RNGTT: variants seen among roughly 807,000 people sequenced by gnomAD.
RNGTT encodes mRNA-capping enzyme.
Under a neutral mutation model 79.3 loss-of-function variants are expected in RNGTT, and 33 were observed. That is an observed-to-expected ratio of 0.42 (90% CI 0.32 to 0.56). RNGTT has a LOEUF of 0.56. Among genes scored for constraint, RNGTT ranks in the 20% least tolerant of loss-of-function variants. The probability of loss-of-function intolerance (pLI) is 0.17; values close to 1 mark genes in which losing one functional copy is unlikely to be tolerated. For missense variants in RNGTT, 497 were observed against 739.1 expected, an observed-to-expected ratio of 0.67 and a Z score of 3.80; for synonymous variants, 222 against 235.9, an observed-to-expected ratio of 0.94 and a Z score of 0.54.
intron 13 of RNGTT, among the ~76,000 whole-genome samples, chr6:88,686,045 A>T (rs1193561015): frequency 2.0e-5 from 3 of 151,024 alleles, no homozygotes. Flanking sequence ...CCCAAAATGC[A>T]GAAAAATTAT....
chr6:88,791,520 C>G (rs575853419), intron 12 of RNGTT, among the ~76,000 whole-genome samples: 1 of 152,002 alleles, frequency 6.6e-6, no homozygotes, highest in African/African-American at 2.4e-5. Context: ...AGTACCATCA[C>G]GTTTTCTAAA....
At position 88,677,077 on chromosome 6, in the gene RNGTT, C is replaced by T. The variant is rs145444862; in HGVS notation, c.1506+1276G>A. 2.1e-3 allele frequency among the ~76,000 whole-genome samples: 315 copies of T among 152,280 alleles called. 1 individual carries two copies. The highest frequency in any genetic ancestry group is 6.5e-3 in the African/African-American group (272 of 41,560). ...TGGCAAAAAAACACAATTACTTTTACACCAACCTGATACTTGGCAACAAAA... is the reference window on the plus strand; with the variant it reads ...TGGCAAAAAAACACAATTACTTTTATACCAACCTGATACTTGGCAACAAAA... On this transcript the variant is annotated intron_variant, in intron 14 of 15. Coordinates refer to ENST00000369485, the MANE Select transcript of RNGTT (RefSeq NM_003800.5).
rs151211332 is a variant in RNGTT, at chr6:88,823,164, C to T, written c.1269+21193G>A. On this transcript the variant is annotated intron_variant, in intron 11 of 15. Transcript: ENST00000369485. ...AAAATTGGCTGGGCATGGTGCCTCA[C>T]GCCTGTAATCCCAGCACTTTGGGAG... is the stretch of plus-strand genomic sequence containing the variant. Among the ~76,000 whole-genome samples, 266 of 152,266 alleles carry T rather than the reference C, an allele frequency of 1.7e-3. 1 individual carries two copies. The highest frequency in any genetic ancestry group is 6.2e-3 in the African/African-American group (258 of 41,556).
intron 13 of RNGTT, among the ~76,000 whole-genome samples, chr6:88,743,773 A>T (rs1251938809): frequency 6.6e-6 from 1 of 152,240 alleles, no homozygotes; most frequent in Non-Finnish European, 1.5e-5. Flanking sequence ...GCTGCTATAA[A>T]CATGAGGGTA....
At chr6:88,642,606 T>C (rs1773366075) in intron 14 of RNGTT, among the ~76,000 whole-genome samples, 1 of 152,112 alleles carries the variant, frequency 6.6e-6, no homozygotes, top group Non-Finnish European at 1.5e-5. Flanking sequence ...AACAGTGTCA[T>C]AAGAACAAAA....
intron 11 of RNGTT, among the ~76,000 whole-genome samples, chr6:88,817,909 G>A (rs1450738132): frequency 1.3e-5 from 2 of 151,678 alleles, no homozygotes; most frequent in Non-Finnish European, 2.9e-5. Context: ...ACAGGCGCCC[G>A]CCAACACGCC....
At chr6:88,957,291 T>TC (rs1479669268) in intron 1 of RNGTT, among the ~76,000 whole-genome samples, 1 of 152,134 alleles carries the variant, frequency 6.6e-6, no homozygotes, top group Non-Finnish European at 1.5e-5. Flanking sequence ...TTGAAAGCAT[T>TC]CCCCCTGGGA....
At chr6:88,739,564 T>C (rs1777397266) in intron 13 of RNGTT, among the ~76,000 whole-genome samples, 1 of 151,782 alleles carries the variant, frequency 6.6e-6, no homozygotes, top group Admixed American at 6.6e-5. Flanking sequence ...TTAGGAACTA[T>C]TTTCTAACAT....
At chr6:88,848,808 A>C (rs1473750830) in intron 10 of RNGTT, among the ~76,000 whole-genome samples, 1 of 152,036 alleles carries the variant, frequency 6.6e-6, no homozygotes, top group Non-Finnish European at 1.5e-5. Context: ...TTGGATTCGT[A>C]ATGAATCATG....
intron 1 of RNGTT, 37 bp from the exon 2 acceptor site, chr6:88,941,217 GA>G (rs1481502335): frequency 1.5e-6 from 2 of 1,294,570 alleles, no homozygotes; most frequent in East Asian, 4.6e-5. Context: ...TCCATAAAAG[GA>G]AATGTTTCAG....
chr6:88,618,701 T>G lies in RNGTT; in HGVS notation c.1507-4306A>C, dbSNP rs73752975. On this transcript the variant is annotated intron_variant, in intron 14 of 15. Transcript: ENST00000369485. ...AAAAAATTTGTTGCCTGTATCCATC[T>G]GATTGCATACCACACTTTTATACTA... 5.1e-3 allele frequency among the ~76,000 whole-genome samples: 774 copies of G among 152,344 alleles called. 7 individuals are homozygous for G. Among genetic ancestry groups the G allele is most frequent in the African/African-American group, 0.018 (729 of 41,584 alleles).
chr6:88,917,228 A>G (rs1784028598), intron 4 of RNGTT, among the ~76,000 whole-genome samples: 1 of 152,350 alleles, frequency 6.6e-6, no homozygotes, highest in East Asian at 1.9e-4. Context: ...ACAACTATCA[A>G]TTGAGCCAAA....
chr6:88,816,965 A>G (rs970972558), intron 11 of RNGTT, among the ~76,000 whole-genome samples: 2 of 152,162 alleles, frequency 1.3e-5, no homozygotes, highest in South Asian at 2.1e-4. Context: ...CTATTCACAT[A>G]CAAATCAACA....
At chr6:88,915,123 G>T (rs1349501121) in intron 4 of RNGTT, among the ~76,000 whole-genome samples, 1 of 151,982 alleles carries the variant, frequency 6.6e-6, no homozygotes, top group Non-Finnish European at 1.5e-5. Context: ...AATAACAGAT[G>T]CTGGAGAGGC....
intron 4 of RNGTT, among the ~76,000 whole-genome samples, chr6:88,920,463 T>C (rs183162497): frequency 4.2e-4 from 64 of 152,306 alleles, no homozygotes; most frequent in African/African-American, 1.3e-3. Context: ...GAGATATACA[T>C]GAAATATGTT....
chr6:88,764,615 T>C (rs1413632818), intron 13 of RNGTT, among the ~76,000 whole-genome samples: 1 of 152,118 alleles, frequency 6.6e-6, no homozygotes, highest in Non-Finnish European at 1.5e-5. Flanking sequence ...TACTTTTACA[T>C]ATTCTTATTT....
intron 10 of RNGTT, among the ~76,000 whole-genome samples, chr6:88,846,764 A>G (rs1781498308): frequency 6.6e-6 from 1 of 151,948 alleles, no homozygotes; most frequent in African/African-American, 2.4e-5. Flanking sequence ...TCTCAAAAAA[A>G]AAAAAAAAAA....
intron 14 of RNGTT, among the ~76,000 whole-genome samples, chr6:88,677,473 T>G (rs927093562): frequency 6.6e-6 from 1 of 152,138 alleles, no homozygotes; most frequent in Non-Finnish European, 1.5e-5. Context: ...GTTAAAAACA[T>G]TTTTGTTTTT....
chr6:88,699,208 A>G (rs781709778), intron 13 of RNGTT, among the ~76,000 whole-genome samples: 2 of 152,192 alleles, frequency 1.3e-5, no homozygotes, highest in African/African-American at 2.4e-5. Flanking sequence ...TAGTCATATA[A>G]TACTCTCTTT....
Sources: allele counts gnomAD v4.1 joint callset (sites outside exome capture counted in the v4.1 genomes callset), GRCh38; gene constraint gnomAD v4.1.1; transcripts MANE v1.5; gene names NCBI Gene and HGNC (gene_info 2026-07-23, HGNC 2026-07-21).